GLIPR1L1: variants seen among roughly 807,000 people sequenced by gnomAD.
The protein encoded by GLIPR1L1 is GLIPR1 like 1.
A neutral mutation model predicts 29.9 loss-of-function variants in GLIPR1L1; 26 were observed. The observed-to-expected ratio is 0.87, with a 90% CI of 0.64 to 1.21. GLIPR1L1 has a LOEUF of 1.21. Ranked by LOEUF, GLIPR1L1 falls within the 50% of genes most tolerant of loss-of-function variation. The pLI is 0.00. For missense variants in GLIPR1L1, 305 were observed against 290.3 expected (o/e 1.05, Z -0.37); for synonymous variants, 77 against 97.5 (o/e 0.79, Z 1.24).
chr12:75,368,606 C>T (rs1483712764), intron 4 of GLIPR1L1, among the ~76,000 whole-genome samples: 1 of 151,592 alleles, frequency 6.6e-6, no homozygotes, highest in Non-Finnish European at 1.5e-5. Flanking sequence ...TTTTTATTTA[C>T]AAATTTTTGC....
intron 1 of GLIPR1L1, among the ~76,000 whole-genome samples, chr12:75,340,274 G>A (rs866625795): frequency 1.2e-4 from 18 of 151,704 alleles, no homozygotes; most frequent in Admixed American, 5.3e-4. Flanking sequence ...GTGTGTGCTA[G>A]TGTCTTTTTC....
At position 75,359,742 on chromosome 12, in the gene GLIPR1L1, A is replaced by G. The variant is rs186755529; in HGVS notation, c.522-3360A>G. 3.4e-3 allele frequency: 513 copies of G among 152,260 alleles called. 2 individuals are homozygous for G. The highest frequency in any genetic ancestry group is 0.011 in the African/African-American group (473 of 41,568). 9.4% of individuals were successfully genotyped at this position (152,260 alleles called of 1,614,324 possible). ...AATGCACAAAGGTATTTCAGTGGAAAAAAAATTAATAAATCATACTGGAAC... is the reference window on the plus strand; with the variant it reads ...AATGCACAAAGGTATTTCAGTGGAAGAAAAATTAATAAATCATACTGGAAC... On this transcript the variant is annotated intron_variant, in intron 3 of 5. Transcript: ENST00000378695.
chr12:75,358,838 TATATA>T (rs928863181), intron 3 of GLIPR1L1, among the ~76,000 whole-genome samples: 51 of 143,930 alleles, frequency 3.5e-4, no homozygotes, highest in African/African-American at 9.6e-4. Flanking sequence ...TATATAACAA[TATATA>T]ATATATTATA....
chr12:75,351,677 G>GCCTC lies in GLIPR1L1; in HGVS notation c.521+3956_521+3957insCTCC, dbSNP rs2042825085. On this transcript the variant is annotated intron_variant, in intron 3 of 5. Transcript: ENST00000378695. Reference sequence around the variant, plus strand: ...TTCTCCTGCCTCAGCCTCCTGAGTAGCTGGGATTAGAGGCGCTCCCCACCA... The same window carrying GCCTC: ...TTCTCCTGCCTCAGCCTCCTGAGTAGCCTCCTGGGATTAGAGGCGCTCCCCACCA... Among the ~76,000 whole-genome samples, 2 of 151,830 alleles carry GCCTC rather than the reference G, an allele frequency of 1.3e-5. 1 individual carries two copies. Among genetic ancestry groups the GCCTC allele is most frequent in the Non-Finnish European group, 2.9e-5 (2 of 67,986 alleles).
chr12:75,338,672 G>A (rs1254109995), intron 1 of GLIPR1L1, among the ~76,000 whole-genome samples: 1 of 152,000 alleles, frequency 6.6e-6, no homozygotes. Flanking sequence ...TGCCATGGTG[G>A]TTTGCTGCAC....
chr12:75,341,308 G>A (rs923419391), intron 1 of GLIPR1L1, among the ~76,000 whole-genome samples: 5 of 152,146 alleles, frequency 3.3e-5, no homozygotes, highest in African/African-American at 1.2e-4. Flanking sequence ...CATGGAATAT[G>A]ACTTGGTCAC....
At chr12:75,365,324 T>A (rs977299352) in intron 4 of GLIPR1L1, 1 of 152,086 alleles carries the variant, frequency 6.6e-6, no homozygotes, top group Admixed American at 6.6e-5. Context: ...TAAAAAAGAA[T>A]GTGTGTGTTA....
chr12:75,360,208 C>T (rs934143046), intron 3 of GLIPR1L1: 10 of 152,104 alleles, frequency 6.6e-5, no homozygotes, highest in African/African-American at 2.4e-4. Flanking sequence ...CAGAGCCAAA[C>T]CCTATCATTC....
rs1002994323 is a variant in GLIPR1L1 at position 75,347,680 on chromosome 12, G to C, written c.479G>C (p.Gly160Ala). ...GCAGTTGCAATGTGTCCTAACCTTG[G>C]GGGAGCTTCAACTGCAATATTTGTA... is the stretch of plus-strand genomic sequence containing the variant. ...GCAVAMCPNLGGASTAIFVCN... is the reference protein window; with the variant it reads ...GCAVAMCPNLAGASTAIFVCN... Residue 160 changes from glycine to alanine, a missense_variant, in exon 3 of 6, where the codon GGG (glycine) becomes GCG (alanine). Gly to Ala is a moderately conservative substitution (Grantham distance 60). Transcript: ENST00000378695. 3 of 1,606,588 alleles carry C rather than the reference G, an allele frequency of 1.9e-6. No individual in the cohort carries two copies. The highest frequency in any genetic ancestry group is 2.2e-5 in the South Asian group (2 of 90,162).
At chr12:75,350,569 G>C (rs1045826067) in intron 3 of GLIPR1L1, among the ~76,000 whole-genome samples, 1 of 152,072 alleles carries the variant, frequency 6.6e-6, no homozygotes, top group African/African-American at 2.4e-5. Flanking sequence ...AGGTGAACAG[G>C]GTCTGGAGTA....
intron 1 of GLIPR1L1, among the ~76,000 whole-genome samples, 190 bp downstream of exon 1, chr12:75,335,092 T>G (rs973832925): frequency 5.3e-5 from 8 of 152,208 alleles, no homozygotes; most frequent in Admixed American, 5.2e-4. Flanking sequence ...AAAGGAAGAC[T>G]TGAAGCTGTT....
intron 4 of GLIPR1L1, chr12:75,367,008 G>A (rs1016924950): frequency 1.7e-5 from 12 of 701,372 alleles, no homozygotes; most frequent in Admixed American, 8.0e-5. Flanking sequence ...CTTCAGAGCT[G>A]AGGAGGTAAG....
intron 4 of GLIPR1L1, 173 bp from the exon 5 acceptor site, chr12:75,369,787 A>G: frequency 1.0e-6 from 1 of 983,562 alleles, no homozygotes; most frequent in Non-Finnish European, 1.2e-6. Context: ...GGTAGGAAGC[A>G]TCGTAAAGAG....
Position 75,334,843 on chromosome 12 carries a change from G to A in GLIPR1L1, c.115G>A (p.Glu39Lys). The A allele has an allele frequency of 6.2e-7, 1 of 1,614,094 alleles. No homozygotes were observed. Among genetic ancestry groups the A allele is most frequent in the Non-Finnish European group, 8.5e-7 (1 of 1,180,008 alleles). The change falls in exon 1 of 6, where the codon GAA becomes AAA. Residue 39 changes from glutamate (E) to lysine (K), a missense_variant. Glu to Lys is a moderately conservative substitution (Grantham distance 56, BLOSUM62 1). Transcript: ENST00000378695. ...TDPHFIDNCI[E>K]AHNEWRGKVN... is the part of the protein sequence containing the mutation. ...CCCACACTTTATAGACAACTGCATAGAAGCCCACAACGAATGGCGTGGCAA... is the reference window on the plus strand; with the variant it reads ...CCCACACTTTATAGACAACTGCATAAAAGCCCACAACGAATGGCGTGGCAA...
chr12:75,334,925 C>G (rs765976740), intron 1 of GLIPR1L1, 23 bp downstream of exon 1: 2 of 1,603,838 alleles, frequency 1.2e-6, no homozygotes, highest in African/African-American at 2.7e-5. Flanking sequence ...CAGGGCTGGG[C>G]TCTTAAATCC....
chr12:75,363,130 G>C lies in GLIPR1L1; in HGVS notation c.550G>C (p.Val184Leu). 1 of 1,558,614 alleles carries C rather than the reference G, an allele frequency of 6.4e-7. No homozygotes were observed. The highest frequency in any genetic ancestry group is 2.1e-5 in the Admixed American group (1 of 48,554). ...AGNFANMPPY[V>L]RGESCSLCSK... ...AAATTTTGCAAATATGCCTCCTTACGTAAGAGGAGAATCTTGCTCTCTCTG... is the reference window on the plus strand; with the variant it reads ...AAATTTTGCAAATATGCCTCCTTACCTAAGAGGAGAATCTTGCTCTCTCTG... The change falls in exon 4 of 6, where the codon GTA becomes CTA. Residue 184 changes from valine (V) to leucine (L), a missense_variant. Physicochemically the swap from Val to Leu is conservative, Grantham distance 32. Transcript: ENST00000378695.
At chr12:75,366,958 A>G in intron 4 of GLIPR1L1, 1 of 701,854 alleles carries the variant, frequency 1.4e-6, no homozygotes, top group Non-Finnish European at 2.6e-6. Flanking sequence ...CAGTCACCCA[A>G]GGGGCAGCTT....
At chr12:75,351,717 T>C (rs1276462753) in intron 3 of GLIPR1L1, among the ~76,000 whole-genome samples, 7 of 152,116 alleles carry the variant, frequency 4.6e-5, no homozygotes, top group Non-Finnish European at 1.0e-4. Flanking sequence ...CAGCTAATTT[T>C]TGTATTTTTA....
chr12:75,346,803 T>G (rs1466160819), intron 2 of GLIPR1L1, among the ~76,000 whole-genome samples: 1 of 152,166 alleles, frequency 6.6e-6, no homozygotes, highest in Non-Finnish European at 1.5e-5. Context: ...ACGAAATAGC[T>G]TAGTACATTT....
Sources: allele counts gnomAD v4.1 joint callset (sites outside exome capture counted in the v4.1 genomes callset), GRCh38; gene constraint gnomAD v4.1.1; transcripts MANE v1.5; gene names NCBI Gene and HGNC (gene_info 2026-07-23, HGNC 2026-07-21).